Variants in CCDC88A observed in about 807,000 individuals in gnomAD.
CCDC88A encodes the protein coiled-coil and HOOK domain protein 88A.
A neutral mutation model predicts 234.3 loss-of-function variants in CCDC88A; 54 were observed. The ratio of observed to expected loss-of-function variants is 0.23; its 90% CI spans 0.19 to 0.29. The LOEUF is 0.29. Ranked by LOEUF, CCDC88A falls within the 10% of genes least tolerant of loss-of-function variation. The pLI, the probability that CCDC88A is intolerant of heterozygous loss-of-function variation, is 1.00. For synonymous variants in CCDC88A, 753 were observed against 737.8 expected (o/e 1.02, Z -0.33); for missense variants, 1,832 against 2,123.4 (o/e 0.86, Z 2.70).
At position 55,317,885 on chromosome 2, in the gene CCDC88A, A is replaced by G. The variant is rs762535101; in HGVS notation, c.3325-44T>C. 11 of 1,330,758 alleles carry G rather than the reference A, an allele frequency of 8.3e-6. No homozygotes were observed. Among genetic ancestry groups the G allele is most frequent in the Non-Finnish European group, 1.1e-5 (11 of 973,802 alleles). The allele number at this position is 1,330,758 out of a possible 1,614,324, so 82.4% of individuals were successfully genotyped here. On this transcript the variant is annotated intron_variant, in intron 19 of 32. Coordinates refer to ENST00000436346, the MANE Select transcript of CCDC88A (RefSeq NM_001365480.1). This position sits in a 1 kb window ranked among gnomAD's most constrained non-coding sequence, Gnocchi z 4.2. ...TTATCAGACATAAGAAAAACAGTTCATGTTCTTTTTCAAAATACAAGATTA... is the reference window on the plus strand; with the variant it reads ...TTATCAGACATAAGAAAAACAGTTCGTGTTCTTTTTCAAAATACAAGATTA...
At chr2:55,299,737 A>G in intron 29 of CCDC88A, 102 bp downstream of exon 29, 1 of 724,928 alleles carries the variant, frequency 1.4e-6, no homozygotes, top group Non-Finnish European at 2.4e-6. Context: ...CCAAACATAG[A>G]TGATTTGGAT....
At chr2:55,381,185 G>T (rs1298341161) in intron 3 of CCDC88A, among the ~76,000 whole-genome samples, 1 of 152,116 alleles carries the variant, frequency 6.6e-6, no homozygotes, top group East Asian at 1.9e-4. Context: ...GTGTGTAGTA[G>T]ACTATATCAT....
intron 27 of CCDC88A, 27 bp downstream of exon 27, chr2:55,301,845 A>G (rs777407017): frequency 6.3e-7 from 1 of 1,589,040 alleles, no homozygotes; most frequent in Non-Finnish European, 8.6e-7. Context: ...CAATTACACC[A>G]CAGTGCAAAT....
chr2:55,337,286 A>T (rs1424694822), intron 13 of CCDC88A: 1 of 149,832 alleles, frequency 6.7e-6, no homozygotes, highest in East Asian at 1.9e-4. Context: ...CTTTAAGATA[A>T]AAAAGGAGAA....
chr2:55,370,594 T>C (rs1282678213), intron 5 of CCDC88A, among the ~76,000 whole-genome samples: 3 of 115,616 alleles, frequency 2.6e-5, no homozygotes, highest in African/African-American at 1.0e-4. Context: ...TGAGCCAAGA[T>C]AATACCATTG....
At chr2:55,406,763 A>T (rs76165916) in intron 2 of CCDC88A, among the ~76,000 whole-genome samples, 3 of 1,678 alleles carry the variant, frequency 1.8e-3, no homozygotes, top group Non-Finnish European at 3.6e-3. Context: ...TGTCTCAAAT[A>T]AAAAAAAAAA....
At chr2:55,410,827 A>G (rs1680350644) in intron 2 of CCDC88A, among the ~76,000 whole-genome samples, 1 of 152,058 alleles carries the variant, frequency 6.6e-6, no homozygotes, top group Admixed American at 6.5e-5. Context: ...CAGGAGGCAG[A>G]GGTTGCAGTG....
rs1685073106 is a variant in CCDC88A at position 55,332,800 on chromosome 2, A to G, written c.2728-107T>C. The stretch of plus-strand genomic sequence containing the variant: ...ACCATCTAGGAATACATGTAATTTG[A>G]ACCAGGAAATGTCATTAAACCATTC... On this transcript the variant is annotated intron_variant, in intron 15 of 32. Transcript: ENST00000436346. This position sits in a 1 kb window ranked among gnomAD's most constrained non-coding sequence, Gnocchi z 4.5. 1.1e-6 allele frequency: 1 copy of G among 937,410 alleles called. No individual in the cohort carries two copies. Among genetic ancestry groups the G allele is most frequent in the South Asian group, 1.6e-5 (1 of 61,494 alleles). The allele number at this position is 937,410 out of a possible 1,614,324, so 58.1% of individuals were successfully genotyped here.
At chr2:55,385,541 A>C (rs1268477821) in intron 3 of CCDC88A, among the ~76,000 whole-genome samples, 1 of 152,104 alleles carries the variant, frequency 6.6e-6, no homozygotes, top group Non-Finnish European at 1.5e-5. Flanking sequence ...ATAAATACTA[A>C]AAGTAGCTTT....
In CCDC88A at chr2:55,380,061, TAAAAAAAAAA is replaced by T. The variant is rs57314271; in HGVS notation, c.274-5188_274-5179del. On this transcript the variant is annotated intron_variant, in intron 3 of 32. Coordinates refer to ENST00000436346, the MANE Select transcript of CCDC88A (RefSeq NM_001365480.1). ...CAGGATGGCAAAGCCCTGTCTCTAC[TAAAAAAAAAA>T]AAAAAAAAAAAAAAAATAGCTGCAT... is the stretch of plus-strand genomic sequence containing the variant. Among the ~76,000 whole-genome samples the T allele has an allele frequency of 3.7e-4, 28 of 75,390 alleles. No homozygotes were observed. The Middle Eastern group carries it at 0.025, about 68-fold the overall frequency. The allele number at this position is 75,390 out of a possible 152,430, so 49.5% of individuals were successfully genotyped here.
At chr2:55,381,824 T>A (rs958370760) in intron 3 of CCDC88A, among the ~76,000 whole-genome samples, 2 of 152,084 alleles carry the variant, frequency 1.3e-5, no homozygotes, top group Non-Finnish European at 2.9e-5. Context: ...CCACACAGAG[T>A]AAAACACTGT....
chr2:55,372,027 C>A (rs1440738967), intron 5 of CCDC88A, among the ~76,000 whole-genome samples: 1 of 151,990 alleles, frequency 6.6e-6, no homozygotes, highest in Non-Finnish European at 1.5e-5. Flanking sequence ...ATAAATTCTG[C>A]CTCCTTTTTT....
intron 2 of CCDC88A, among the ~76,000 whole-genome samples, chr2:55,412,841 T>C (rs1680715022): frequency 6.6e-6 from 1 of 152,222 alleles, no homozygotes; most frequent in South Asian, 2.1e-4. Context: ...TTTATCCCAC[T>C]TACAAATTAA....
chr2:55,346,330 T>A lies in CCDC88A; in HGVS notation c.886A>T (p.Met296Leu), dbSNP rs201218597. The change falls in exon 10 of 33, where the codon ATG (methionine) becomes TTG (leucine). Residue 296 changes from methionine (M) to leucine (L), a missense_variant. By Grantham distance (15) the Met-to-Leu change is conservative. Coordinates refer to ENST00000436346, the MANE Select transcript of CCDC88A (RefSeq NM_001365480.1). ...IELKRLQQENMNLLSDARSAR... is the reference protein window; with the variant it reads ...IELKRLQQENLNLLSDARSAR... ...GAGCGAGCATCCGAAAGCAAATTCATGTTCTAAACAAAAATTTAAAATTAT... is the reference window on the plus strand; with the variant it reads ...GAGCGAGCATCCGAAAGCAAATTCAAGTTCTAAACAAAAATTTAAAATTAT... 6.4e-7 allele frequency: 1 copy of A among 1,560,838 alleles called. No individual in the cohort carries two copies. The highest frequency in any genetic ancestry group is 2.3e-5 in the East Asian group (1 of 43,876).
chr2:55,325,787 T>C (rs573563480), intron 17 of CCDC88A, among the ~76,000 whole-genome samples: 50 of 152,364 alleles, frequency 3.3e-4, no homozygotes, highest in African/African-American at 1.2e-3. Context: ...GCAGCTCTGT[T>C]ACTAGGTGTA....
chr2:55,384,007 T>G (rs1675045774), intron 3 of CCDC88A, among the ~76,000 whole-genome samples: 1 of 152,096 alleles, frequency 6.6e-6, no homozygotes, highest in Non-Finnish European at 1.5e-5. Context: ...GCCACTGCAC[T>G]CCAGCATGGG....
intron 7 of CCDC88A, among the ~76,000 whole-genome samples, chr2:55,360,744 G>C (rs1348398492): frequency 6.6e-6 from 1 of 151,674 alleles, no homozygotes; most frequent in African/African-American, 2.4e-5. Flanking sequence ...TTTTTTTTGA[G>C]ATGTCCAGCC....
At chr2:55,409,886 G>A (rs1254131069) in intron 2 of CCDC88A, among the ~76,000 whole-genome samples, 2 of 151,896 alleles carry the variant, frequency 1.3e-5, no homozygotes, top group East Asian at 1.9e-4. Context: ...GATTACAGGG[G>A]CCCGCCAACA....
chr2:55,308,882 G>A lies in CCDC88A; in HGVS notation c.4314C>T (p.Asp1438=). The A allele has an allele frequency of 6.2e-7, 1 of 1,614,104 alleles. No individual in the cohort carries two copies. The highest frequency in any genetic ancestry group is 1.7e-5 in the Admixed American group (1 of 60,010). Residue 1438 remains aspartate (D), a synonymous_variant, in exon 25 of 33, where the codon GAC becomes GAT. Coordinates refer to ENST00000436346, the MANE Select transcript of CCDC88A (RefSeq NM_001365480.1). ...AACCTACTGAAGAACTATCTTGACTGTCTTGATGAGGGAGCTGAAGAAATC... is the reference window on the plus strand; with the variant it reads ...AACCTACTGAAGAACTATCTTGACTATCTTGATGAGGGAGCTGAAGAAATC... ...SEGFLQLPHQ[D]SQDSSSVGSN...
Sources: allele counts gnomAD v4.1 joint callset (sites outside exome capture counted in the v4.1 genomes callset), GRCh38; gene constraint gnomAD v4.1.1; non-coding constraint Gnocchi (gnomAD v3.1); transcripts MANE v1.5; gene names NCBI Gene and HGNC (gene_info 2026-07-23, HGNC 2026-07-21).